Variants in WDFY4 observed in about 807,000 individuals in gnomAD.
The protein encoded by WDFY4 is WD repeat- and FYVE domain-containing protein 4.
A neutral mutation model predicts 351.9 loss-of-function variants in WDFY4; 169 were observed. The ratio of observed to expected loss-of-function variants is 0.48; its 90% CI spans 0.42 to 0.55. The LOEUF (loss-of-function observed/expected upper bound fraction) is 0.55, where lower values mean the gene tolerates loss of function less well. Among genes scored for constraint, WDFY4 ranks in the 20% least tolerant of loss-of-function variants. WDFY4 has a pLI of 0.00. For synonymous variants in WDFY4, 1,622 were observed against 1,574.6 expected (o/e 1.03, Z -0.71); for missense variants, 3,803 against 3,935.6 (o/e 0.97, Z 0.90).
At chr10:48,867,226 A>G (rs778726793) in intron 39 of WDFY4, 39 bp from the exon 40 acceptor site, 5 of 641,836 alleles carry the variant, frequency 7.8e-6, no homozygotes, top group African/African-American at 2.7e-5. Context: ...TAAAATCACA[A>G]CTATCATTAA....
intron 39 of WDFY4, among the ~76,000 whole-genome samples, chr10:48,846,087 C>A (rs1347488678): frequency 6.6e-6 from 1 of 152,204 alleles, no homozygotes; most frequent in African/African-American, 2.4e-5. Context: ...CAATGTCATG[C>A]CTCTGATCAA....
chr10:48,867,172 A>AAAATAAAAT (rs1333806912), intron 39 of WDFY4, 93 bp from the exon 40 acceptor site: 3 of 245,450 alleles, frequency 1.2e-5, no homozygotes, highest in African/African-American at 1.2e-4. Flanking sequence ...TGTGTCTCAA[A>AAAATAAAAT]AAATAAAATA....
chr10:48,885,249 G>A lies in WDFY4; in HGVS notation c.7168-5330G>A, dbSNP rs113773362. Among the ~76,000 whole-genome samples the A allele has an allele frequency of 2.7e-3, 417 of 152,268 alleles. 3 individuals are homozygous for A. The highest frequency in any genetic ancestry group is 9.4e-3 in the African/African-American group (391 of 41,542). ...CTGGGAATATGAATTTTATCAAGCT[G>A]TGCAGGTGATTCTCATACATACTAA... On this transcript the variant is annotated intron_variant, in intron 43 of 61. Transcript: ENST00000325239.
chr10:48,901,901 G>A (rs1423606391), intron 47 of WDFY4, 38 bp downstream of exon 47: 1 of 1,537,924 alleles, frequency 6.5e-7, no homozygotes, highest in East Asian at 2.4e-5. Context: ...GCATGGCACT[G>A]CCCTGGCTTT....
chr10:48,688,783 A>T (rs907824484), intron 1 of WDFY4, among the ~76,000 whole-genome samples: 2 of 152,136 alleles, frequency 1.3e-5, no homozygotes, highest in Admixed American at 1.3e-4. Flanking sequence ...AGGTGGTCAG[A>T]GTGGTCAGAT....
rs576721182 is a variant in WDFY4 at position 48,811,425 on chromosome 10, C to A, written c.5045-114C>A. 2,010 of 865,224 alleles carry A rather than the reference C, an allele frequency of 2.3e-3. 8 individuals carry two copies. The highest frequency in any genetic ancestry group is 3.2e-3 in the Non-Finnish European group (1,809 of 564,960). The allele number at this position is 865,224 out of a possible 1,614,324, so 53.6% of individuals were successfully genotyped here. A position where few individuals can be genotyped will look rare whatever the true frequency, so the allele number is the denominator to read the frequency against. On this transcript the variant is annotated intron_variant, in intron 29 of 61. Transcript: ENST00000325239. ...TCTATGTGTGAATATATTTTATCAT[C>A]CAGCATTTCTATGGGATGGGTGGGT... is the stretch of plus-strand genomic sequence containing the variant.
intron 32 of WDFY4, 53 bp from the exon 33 acceptor site, chr10:48,820,181 A>T: frequency 6.5e-7 from 1 of 1,539,626 alleles, no homozygotes; most frequent in Non-Finnish European, 8.8e-7. Context: ...GGTTGGTGGG[A>T]AAGAGCTTGA....
chr10:48,821,209 GA>G (rs1395521730), intron 34 of WDFY4, 33 bp downstream of exon 34: 1 of 1,495,638 alleles, frequency 6.7e-7, no homozygotes, highest in Admixed American at 2.0e-5. Flanking sequence ...CTCCATTCAT[GA>G]CATGAGGCTG....
chr10:48,891,472 AGT>A (rs2070693554), intron 44 of WDFY4, among the ~76,000 whole-genome samples: 1 of 152,246 alleles, frequency 6.6e-6, no homozygotes, highest in Non-Finnish European at 1.5e-5. Flanking sequence ...CCAGTTGTCA[AGT>A]GTATGTTTTC....
intron 1 of WDFY4, among the ~76,000 whole-genome samples, chr10:48,688,870 G>T (rs1268634776): frequency 6.6e-6 from 1 of 152,198 alleles, no homozygotes; most frequent in East Asian, 1.9e-4. Context: ...AGCTAAAGAT[G>T]ACTCCAGAGT....
At chr10:48,809,209 C>A (rs111624502) in intron 28 of WDFY4, among the ~76,000 whole-genome samples, 8 of 151,588 alleles carry the variant, frequency 5.3e-5, no homozygotes, top group African/African-American at 1.9e-4. Context: ...CCATCACCAC[C>A]ACCATCATCA....
chr10:48,849,610 T>C (rs2068891726), intron 39 of WDFY4, among the ~76,000 whole-genome samples: 1 of 152,170 alleles, frequency 6.6e-6, no homozygotes, highest in Non-Finnish European at 1.5e-5. Flanking sequence ...GGATGGAGGG[T>C]TGGGTGAATT....
At chr10:48,700,045 T>G (rs1222996156) in intron 1 of WDFY4, among the ~76,000 whole-genome samples, 1 of 152,244 alleles carries the variant, frequency 6.6e-6, no homozygotes, top group Admixed American at 6.5e-5. Flanking sequence ...CAGGTGATGC[T>G]GATGCATGCT....
chr10:48,764,066 C>T (rs2065593779), intron 13 of WDFY4, among the ~76,000 whole-genome samples: 1 of 152,192 alleles, frequency 6.6e-6, no homozygotes, highest in South Asian at 2.1e-4. Flanking sequence ...TTTAGGTCAG[C>T]TTGGTGGTTC....
rs573089487 is a variant in WDFY4 at position 48,897,019 on chromosome 10, C to T, written c.7317-435C>T. Among the ~76,000 whole-genome samples, 8 of 152,254 alleles carry T rather than the reference C, an allele frequency of 5.3e-5. No homozygotes were observed. In the South Asian group the frequency reaches 6.2e-4, roughly 12 times the overall value. ...TGGGGGAGCCAGGGAAGAGAGGCCACAGGAACCCACGAGGGCTCCTGGGCA... is the reference window on the plus strand; with the variant it reads ...TGGGGGAGCCAGGGAAGAGAGGCCATAGGAACCCACGAGGGCTCCTGGGCA... On this transcript the variant is annotated intron_variant, in intron 44 of 61. Coordinates refer to ENST00000325239, the MANE Select transcript of WDFY4 (RefSeq NM_001394531.1).
In WDFY4 at chr10:48,900,304, A is replaced by G. The variant is rs1837289636; in HGVS notation, c.7521A>G (p.Lys2507=). ...FYNNDRSKAF[K]SFCSFQPSLK... is the part of the protein sequence containing the mutation. Reference sequence around the variant, plus strand: ...ACAATGATCGGAGTAAGGCCTTTAAAAGGTAAGAGCTTGAAAATCCTCCTT... The same window carrying G: ...ACAATGATCGGAGTAAGGCCTTTAAGAGGTAAGAGCTTGAAAATCCTCCTT... Residue 2507 remains lysine (K), a splice_region_variant and synonymous_variant, in exon 46 of 62, where the codon AAA becomes AAG. Transcript: ENST00000325239. 1.3e-6 allele frequency: 2 copies of G among 1,550,780 alleles called. No individual in the cohort carries two copies. Among genetic ancestry groups the G allele is most frequent in the Non-Finnish European group, 1.7e-6 (2 of 1,146,624 alleles).
intron 47 of WDFY4, among the ~76,000 whole-genome samples, chr10:48,929,017 A>T (rs1173155303): frequency 1.3e-5 from 2 of 152,228 alleles, no homozygotes; most frequent in African/African-American, 2.4e-5. Context: ...GAAGAGAAAG[A>T]GTCAGGATAG....
rs2064252910 is a variant in WDFY4, at chr10:48,725,915, T to A, written c.626T>A (p.Leu209Gln). 53 of 1,550,786 alleles carry A rather than the reference T, an allele frequency of 3.4e-5. No homozygotes were observed. The highest frequency in any genetic ancestry group is 4.4e-5 in the Non-Finnish European group (51 of 1,146,228). The change falls in exon 6 of 62, where the codon CTG (leucine) becomes CAG (glutamine). Residue 209 changes from leucine to glutamine, a missense_variant. Physicochemically the swap from Leu to Gln is moderately radical, Grantham distance 113. Transcript: ENST00000325239. ...AATATTTGCAGTGACTCTCAGGGCCTGGAGGGACTCCTCTCAGGAAGTGAG... is the reference window on the plus strand; with the variant it reads ...AATATTTGCAGTGACTCTCAGGGCCAGGAGGGACTCCTCTCAGGAAGTGAG... The part of the protein sequence containing the change: ...LLNICSDSQG[L>Q]EGLLSGSELQ...
At chr10:48,774,339 G>A in intron 13 of WDFY4, 119 bp from the exon 14 acceptor site, 1 of 1,016,718 alleles carries the variant, frequency 9.8e-7, no homozygotes, top group South Asian at 1.4e-5. Flanking sequence ...TGGGGATGGG[G>A]TATGGTGGGC....
Sources: allele counts gnomAD v4.1 joint callset (sites outside exome capture counted in the v4.1 genomes callset), GRCh38; gene constraint gnomAD v4.1.1; transcripts MANE v1.5; gene names NCBI Gene and HGNC (gene_info 2026-07-23, HGNC 2026-07-21).